SP140: variants seen among roughly 807,000 people sequenced by gnomAD.
SP140 encodes the protein SP140 nuclear body protein, also known as nuclear body protein SP140.
SP140 carries 81 observed loss-of-function variants against 125.0 expected under a neutral mutation model. The ratio of observed to expected loss-of-function variants is 0.65; its 90% CI spans 0.54 to 0.78. The LOEUF is 0.78. SP140 is among the 30% of genes least tolerant of loss of function. The pLI, the probability that SP140 is intolerant of heterozygous loss-of-function variation, is 0.00. For synonymous variants in SP140, 312 were observed against 354.0 expected (o/e 0.88, Z 1.33); for missense variants, 858 against 1,037.0 (o/e 0.83, Z 2.37).
chr2:230,306,489 G>A (rs549816349), intron 22 of SP140, among the ~76,000 whole-genome samples: 3 of 152,364 alleles, frequency 2.0e-5, no homozygotes, highest in Non-Finnish European at 2.9e-5. Flanking sequence ...CGCAACTGCA[G>A]GTGCCCAGGT....
intron 12 of SP140, among the ~76,000 whole-genome samples, chr2:230,265,619 G>A (rs1315563531): frequency 1.3e-5 from 2 of 152,058 alleles, no homozygotes; most frequent in Admixed American, 6.6e-5. Flanking sequence ...GGCCCTTTCC[G>A]CTGCTTCCCC....
At chr2:230,288,078 C>G (rs761907132) in intron 18 of SP140, 112 bp downstream of exon 18, 10 of 877,702 alleles carry the variant, frequency 1.1e-5, no homozygotes, top group Non-Finnish European at 1.7e-5. Context: ...TGAAGCTGTA[C>G]TAACTAGTGA....
intron 8 of SP140, 134 bp from the exon 9 acceptor site, chr2:230,248,751 T>C: frequency 3.0e-6 from 2 of 665,436 alleles, no homozygotes; most frequent in Non-Finnish European, 5.3e-6. Context: ...AAAGAGGAGC[T>C]GCAACAAGGT....
At chr2:230,253,822 T>C (rs2050742429) in intron 11 of SP140, among the ~76,000 whole-genome samples, 1 of 152,210 alleles carries the variant, frequency 6.6e-6, no homozygotes, top group Non-Finnish European at 1.5e-5. Context: ...TTGTGAATGA[T>C]TGAATGCTTG....
intron 1 of SP140, chr2:230,208,073 A>T (rs745989869): frequency 3.7e-6 from 5 of 1,355,448 alleles, no homozygotes; most frequent in East Asian, 2.3e-5. Flanking sequence ...AAAAGAAAGG[A>T]TAATGTTTTA....
At chr2:230,187,410 A>C in the SP140 span, among the ~76,000 whole-genome samples, 8 of 151,888 alleles carry the variant, frequency 5.3e-5, no homozygotes, top group African/African-American at 1.9e-4. Flanking sequence ...TGGATGCATA[A>C]TTTGCAAATA....
chr2:230,226,121 C>A lies in SP140; in HGVS notation c.59+218C>A, dbSNP rs945638940. Among the ~76,000 whole-genome samples the A allele has an allele frequency of 7.2e-5, 11 of 152,322 alleles. No individual in the cohort carries two copies. The South Asian group carries it at 2.1e-3, about 29-fold the overall frequency. On this transcript the variant is annotated intron_variant, in intron 1 of 26. Coordinates refer to ENST00000392045, the MANE Select transcript of SP140 (RefSeq NM_007237.5). Reference sequence around the variant, plus strand: ...ACATCATCTTCCTATTCTCTTACATCTGCAAATGGCTGGACTGGAGCTGTT... The same window carrying A: ...ACATCATCTTCCTATTCTCTTACATATGCAAATGGCTGGACTGGAGCTGTT...
intron 1 of SP140, among the ~76,000 whole-genome samples, chr2:230,206,435 T>C (rs1348995558): frequency 6.6e-6 from 1 of 151,556 alleles, no homozygotes; most frequent in African/African-American, 2.4e-5. Flanking sequence ...GTTCCCTCAG[T>C]CTGTCTTGCT....
upstream of SP140, among the ~76,000 whole-genome samples, chr2:230,224,821 C>T (rs564216016): frequency 8.1e-4 from 124 of 152,356 alleles, no homozygotes; most frequent in Middle Eastern, 3.4e-3. Flanking sequence ...TACCCATACC[C>T]TGGCTCTCAT....
intron 15 of SP140, among the ~76,000 whole-genome samples, chr2:230,275,010 AT>A (rs2054506291): frequency 2.6e-5 from 4 of 152,154 alleles, no homozygotes; most frequent in Admixed American, 2.0e-4. Flanking sequence ...CATTGCTTTC[AT>A]TTTTGGTGCA....
At chr2:230,314,875 G>A (rs2396743), downstream of SP140, among the ~76,000 whole-genome samples, 27,710 of 152,254 alleles carry the variant, frequency 0.18, 3,214 homozygotes, top group Non-Finnish European at 0.26. Context: ...ATGTTTTATA[G>A]AACTGGATCC....
chr2:230,302,257 G>T (rs2058349944), intron 22 of SP140, among the ~76,000 whole-genome samples: 2 of 151,966 alleles, frequency 1.3e-5, no homozygotes, highest in South Asian at 4.1e-4. Flanking sequence ...AGCTGGGCGT[G>T]GTGGCAGGCA....
intron 15 of SP140, among the ~76,000 whole-genome samples, chr2:230,282,178 G>A (rs971521618): frequency 6.6e-6 from 1 of 152,130 alleles, no homozygotes; most frequent in Non-Finnish European, 1.5e-5. Context: ...CTCCTCTGGG[G>A]ATCTTAAGCA....
chr2:230,251,024 C>T lies in SP140; in HGVS notation c.1020C>T (p.Pro340=). 2 of 1,613,692 alleles carry T rather than the reference C, an allele frequency of 1.2e-6. No homozygotes were observed. ...CAGAAATGTGTGATGGAGAAGAGCC[C>T]CAGGAAGCCTCTAGCTCCCTAGCAA... ...DCSEMCDGEE[P]QEASSSLARC... is the part of the protein sequence containing the mutation. Residue 340 remains proline, a synonymous_variant, in exon 10 of 27, where the codon CCC becomes CCT. Transcript: ENST00000392045.
At chr2:230,285,559 A>C (rs145438080) in intron 16 of SP140, among the ~76,000 whole-genome samples, 193 bp from the exon 17 acceptor site, 1 of 152,362 alleles carries the variant, frequency 6.6e-6, no homozygotes, top group East Asian at 1.9e-4. Context: ...GACAAATTCT[A>C]AGAGACTTCA....
chr2:230,223,555 C>G (rs1226696183), upstream of SP140, among the ~76,000 whole-genome samples: 1 of 152,168 alleles, frequency 6.6e-6, no homozygotes, highest in African/African-American at 2.4e-5. Context: ...ACTCCCAAAT[C>G]CTGACTGATA....
In SP140 at chr2:230,243,820, G is replaced by A; in HGVS notation, c.571+9G>A. On this transcript the variant is annotated intron_variant, in intron 5 of 26. Coordinates refer to ENST00000392045, the MANE Select transcript of SP140 (RefSeq NM_007237.5). ...GCCAAGGTGTGAGCCAGGTAAGGAAGGAGTGACTTGCTCTCCCTGACCTGC... is the reference window on the plus strand; with the variant it reads ...GCCAAGGTGTGAGCCAGGTAAGGAAAGAGTGACTTGCTCTCCCTGACCTGC... 6.2e-7 allele frequency: 1 copy of A among 1,601,074 alleles called. No homozygotes were observed. Among genetic ancestry groups the A allele is most frequent in the Non-Finnish European group, 8.6e-7 (1 of 1,168,638 alleles).
chr2:230,212,219 G>A, intron 1 of SP140: 1 of 740,938 alleles, frequency 1.3e-6, no homozygotes, highest in Non-Finnish European at 2.4e-6. Flanking sequence ...GGCCCCTTCT[G>A]TTTCTTTTCC....
chr2:230,299,291 C>T lies in SP140; in HGVS notation c.2058+1829C>T, dbSNP rs190445343. Among the ~76,000 whole-genome samples the T allele has an allele frequency of 8.2e-4, 125 of 152,312 alleles. 1 individual carries two copies. The highest frequency in any genetic ancestry group is 3.0e-3 in the Admixed American group (46 of 15,300). On this transcript the variant is annotated intron_variant, in intron 22 of 26. Transcript: ENST00000392045. ...CAAAGTGTGAGAGGGAAAAAGTCCA[C>T]CTCTGAACACATATCCTCACTGGGG...
Sources: gnomAD v4.1 joint callset for allele counts (sites outside exome capture counted in the v4.1 genomes callset) on GRCh38, gnomAD v4.1.1 for gene constraint, MANE v1.5 for transcripts, NCBI Gene and HGNC (gene_info 2026-07-23, HGNC 2026-07-21) for gene names.